The following PTCD2 variants were observed in gnomAD, a reference collection of about 807,000 sequenced individuals.
PTCD2 encodes pentatricopeptide repeat-containing protein 2, mitochondrial.
Under a neutral mutation model 42.6 loss-of-function variants are expected in PTCD2, and 31 were observed. That is an observed-to-expected ratio of 0.73 (90% CI 0.55 to 0.98). The LOEUF (loss-of-function observed/expected upper bound fraction) is 0.98, where lower values mean the gene tolerates loss of function less well. Among genes scored for constraint, PTCD2 ranks in the 50% least tolerant of loss-of-function variants. The pLI, the probability that PTCD2 is intolerant of heterozygous loss-of-function variation, is 0.00. For synonymous variants in PTCD2, 183 were observed against 170.9 expected (o/e 1.07, Z -0.55); for missense variants, 476 against 454.8 (o/e 1.05, Z -0.42).
At chr5:72,357,990 A>G (rs941300675) in intron 9 of PTCD2, among the ~76,000 whole-genome samples, 7 of 151,960 alleles carry the variant, frequency 4.6e-5, no homozygotes, top group African/African-American at 1.5e-4. Flanking sequence ...TTTACAGACA[A>G]AGTCTCACTG....
rs1753133893 is a variant in PTCD2 at position 72,363,358 on chromosome 5, A to G, written c.*4931A>G. The G allele has an allele frequency of 6.6e-6, 1 of 152,280 alleles. No individual in the cohort carries two copies. The highest frequency in any genetic ancestry group is 6.5e-5 in the Admixed American group (1 of 15,290). The allele number at this position is 152,280 out of a possible 1,614,324, so 9.4% of individuals were successfully genotyped here. On this transcript the variant is annotated 3_prime_UTR_variant, in exon 10 of 10. Coordinates refer to ENST00000380639, the MANE Select transcript of PTCD2 (RefSeq NM_024754.5). ...TTCCATACATATGAGTCAGGGCCCA[A>G]GAATTTGCATTACAAATGCATTCTC...
intron 2 of PTCD2, among the ~76,000 whole-genome samples, chr5:72,323,527 A>G (rs1345631433): frequency 3.3e-5 from 5 of 149,764 alleles, no homozygotes; most frequent in African/African-American, 9.8e-5. Flanking sequence ...CACATCTAAG[A>G]CTTTCCTTTT....
chr5:72,345,494 A>G (rs1734500482), intron 8 of PTCD2, among the ~76,000 whole-genome samples: 1 of 152,258 alleles, frequency 6.6e-6, no homozygotes, highest in Non-Finnish European at 1.5e-5. Flanking sequence ...AAAGACAGGC[A>G]TAGGAAATCA....
At chr5:72,345,442 T>A (rs900123802) in intron 8 of PTCD2, among the ~76,000 whole-genome samples, 2 of 152,206 alleles carry the variant, frequency 1.3e-5, no homozygotes, top group African/African-American at 4.8e-5. Flanking sequence ...TGAGGCGACA[T>A]ACATCCTCCT....
At chr5:72,332,765 C>T (rs1476314741) in intron 4 of PTCD2, among the ~76,000 whole-genome samples, 1 of 152,166 alleles carries the variant, frequency 6.6e-6, no homozygotes, top group Non-Finnish European at 1.5e-5. Context: ...CCGAACTTCT[C>T]TTGTTCCCTA....
At position 72,323,023 on chromosome 5, in the gene PTCD2, G is replaced by A. The variant is rs531892208; in HGVS notation, c.220+759G>A. On this transcript the variant is annotated intron_variant, in intron 2 of 9. Coordinates refer to ENST00000380639, the MANE Select transcript of PTCD2 (RefSeq NM_024754.5). Reference sequence around the variant, plus strand: ...AAGTTAGTTGGGCGTGGTGGTGCATGCCTGTAGTCACAGCTACTCCAGGGA... The same window carrying A: ...AAGTTAGTTGGGCGTGGTGGTGCATACCTGTAGTCACAGCTACTCCAGGGA... 2.4e-3 allele frequency among the ~76,000 whole-genome samples: 373 copies of A among 152,258 alleles called. 1 individual carries two copies. Among genetic ancestry groups the A allele is most frequent in the Non-Finnish European group, 2.9e-3 (196 of 68,018 alleles).
chr5:72,364,246 A>G lies in PTCD2; in HGVS notation c.*5819A>G, dbSNP rs1753152434. On this transcript the variant is annotated 3_prime_UTR_variant, in exon 10 of 10. Coordinates refer to ENST00000380639, the MANE Select transcript of PTCD2 (RefSeq NM_024754.5). ...TGGAGTCAAAACAAGAAGATTTTTTAAATGTCCTCTGTTCCCATGGAGCTT... is the reference window on the plus strand; with the variant it reads ...TGGAGTCAAAACAAGAAGATTTTTTGAATGTCCTCTGTTCCCATGGAGCTT... The G allele has an allele frequency of 6.6e-6, 1 of 152,256 alleles. No homozygotes were observed. The highest frequency in any genetic ancestry group is 1.5e-5 in the Non-Finnish European group (1 of 68,040). 9.4% of individuals were successfully genotyped at this position (152,256 alleles called of 1,614,324 possible). A position where few individuals can be genotyped will look rare whatever the true frequency, so the allele number is the denominator to read the frequency against.
At chr5:72,356,008 G>C (rs1169251156) in intron 9 of PTCD2, among the ~76,000 whole-genome samples, 2 of 152,154 alleles carry the variant, frequency 1.3e-5, no homozygotes, top group Non-Finnish European at 2.9e-5. Context: ...CTGATAAAAG[G>C]GAGCTTGTCA....
chr5:72,354,355 G>A (rs1752759654), intron 9 of PTCD2, among the ~76,000 whole-genome samples: 1 of 116,374 alleles, frequency 8.6e-6, no homozygotes, highest in African/African-American at 3.3e-5. Flanking sequence ...CTGCGCTCCA[G>A]CCTGGCGACA....
intron 2 of PTCD2, among the ~76,000 whole-genome samples, chr5:72,323,650 T>C (rs1363479134): frequency 6.6e-6 from 1 of 152,074 alleles, no homozygotes; most frequent in Non-Finnish European, 1.5e-5. Context: ...ACATTCTCTT[T>C]GTTTTGGTTT....
At position 72,320,410 on chromosome 5, in the gene PTCD2, T is replaced by C. The variant is rs763525833; in HGVS notation, c.28T>C (p.Phe10Leu). The C allele has an allele frequency of 1.9e-6, 3 of 1,614,136 alleles. No individual in the cohort carries two copies. The highest frequency in any genetic ancestry group is 1.1e-5 in the South Asian group (1 of 91,080). The change falls in exon 1 of 10, where the codon TTT becomes CTT. Residue 10 changes from phenylalanine to leucine, a missense_variant. By Grantham distance (22) the Phe-to-Leu change is conservative. Transcript: ENST00000380639. ...GGTCCGAGACAGTATGGCTGCTGCA[T>C]TTCGGCCCTCGAATCGAGTTCTCCT... MVRDSMAAA[F>L]RPSNRVLLQA...
At chr5:72,343,560 G>T (rs957678991) in intron 8 of PTCD2, among the ~76,000 whole-genome samples, 1 of 152,106 alleles carries the variant, frequency 6.6e-6, no homozygotes, top group Non-Finnish European at 1.5e-5. Flanking sequence ...GTATGCCCAT[G>T]GTCCTCTTCC....
intron 2 of PTCD2, among the ~76,000 whole-genome samples, chr5:72,324,414 T>A (rs1164959893): frequency 6.6e-6 from 1 of 152,236 alleles, no homozygotes; most frequent in African/African-American, 2.4e-5. Context: ...CCGCCCTTTC[T>A]AGGACGGTTT....
intron 6 of PTCD2, among the ~76,000 whole-genome samples, chr5:72,338,179 T>G (rs996032572): frequency 5.9e-5 from 9 of 152,230 alleles, no homozygotes; most frequent in African/African-American, 2.2e-4. Flanking sequence ...TTCAAATTAG[T>G]GTTCGTGTTT....
chr5:72,344,236 G>A (rs1156999070), intron 8 of PTCD2, among the ~76,000 whole-genome samples: 3 of 152,112 alleles, frequency 2.0e-5, no homozygotes, highest in African/African-American at 7.2e-5. Context: ...AACTGTGGCT[G>A]GGCACGGTGG....
At chr5:72,343,872 A>T (rs774914118) in intron 8 of PTCD2, among the ~76,000 whole-genome samples, 6 of 152,188 alleles carry the variant, frequency 3.9e-5, no homozygotes, top group Admixed American at 6.5e-5. Context: ...CTCCTTGTAT[A>T]CTGTGTCTAC....
intron 4 of PTCD2, among the ~76,000 whole-genome samples, chr5:72,334,612 C>T (rs1246438903): frequency 5.3e-5 from 8 of 151,736 alleles, no homozygotes; most frequent in East Asian, 1.9e-4. Context: ...AGTGCAGTGG[C>T]GTGATCTCGG....
At chr5:72,325,221 C>T (rs1428653615) in intron 2 of PTCD2, among the ~76,000 whole-genome samples, 1 of 152,166 alleles carries the variant, frequency 6.6e-6, no homozygotes, top group Non-Finnish European at 1.5e-5. Flanking sequence ...CTGCACCCGG[C>T]CTCTTAAGGT....
At chr5:72,340,394 T>C (rs901283921) in intron 7 of PTCD2, among the ~76,000 whole-genome samples, 2 of 152,214 alleles carry the variant, frequency 1.3e-5, no homozygotes, top group Admixed American at 1.3e-4. Context: ...TGAAGTGATA[T>C]TTTTTGGCCT....
Sources: allele counts gnomAD v4.1 joint callset (sites outside exome capture counted in the v4.1 genomes callset), GRCh38; gene constraint gnomAD v4.1.1; transcripts MANE v1.5; gene names NCBI Gene and HGNC (gene_info 2026-07-23, HGNC 2026-07-21).